Variants in PPM1A observed in about 807,000 individuals in gnomAD.
PPM1A encodes the protein protein phosphatase 1A.
A neutral mutation model predicts 35.0 loss-of-function variants in PPM1A; 7 were observed. That is an observed-to-expected ratio of 0.20 (90% CI 0.11 to 0.38). The LOEUF (loss-of-function observed/expected upper bound fraction) is 0.38. PPM1A is among the 10% of genes least tolerant of loss of function. PPM1A has a pLI of 1.00. For missense variants in PPM1A, 239 were observed against 467.8 expected (o/e 0.51, Z 4.51); for synonymous variants, 153 against 167.3 (o/e 0.91, Z 0.66).
chr14:60,263,629 G>A (rs1884031029), intron 1 of PPM1A, among the ~76,000 whole-genome samples: 1 of 152,104 alleles, frequency 6.6e-6, no homozygotes, highest in Non-Finnish European at 1.5e-5. Flanking sequence ...AATACTGAAG[G>A]TTGGACCCAA....
At chr14:60,274,822 T>G (rs1420710181) in intron 1 of PPM1A, among the ~76,000 whole-genome samples, 1 of 151,708 alleles carries the variant, frequency 6.6e-6, no homozygotes, top group East Asian at 1.9e-4. Context: ...GCAATTGTTT[T>G]ATTCATTCAA....
chr14:60,287,101 T>C lies in PPM1A; in HGVS notation c.952+1360T>C, dbSNP rs8011636. On this transcript the variant is annotated intron_variant, in intron 3 of 5. Coordinates refer to ENST00000395076, the MANE Select transcript of PPM1A (RefSeq NM_021003.5). ...TAACTTGGGCAGACATGTTTTCTTA[T>C]TGGTTTAAAGAAGTAATAAGTATTT... The C allele has an allele frequency of 5.3e-6, 5 of 949,068 alleles. No homozygotes were observed. In the African/African-American group the frequency reaches 7.1e-5, roughly 13 times the overall value. 58.8% of individuals were successfully genotyped at this position (949,068 alleles called of 1,614,324 possible).
intron 1 of PPM1A, among the ~76,000 whole-genome samples, chr14:60,265,585 A>C (rs777748831): frequency 7.2e-5 from 11 of 152,260 alleles, no homozygotes; most frequent in Non-Finnish European, 1.6e-4. Flanking sequence ...TGAATATACA[A>C]ATCCATTTGG....
At position 60,289,848 on chromosome 14, in the gene PPM1A, A is replaced by G. The variant is rs747334490; in HGVS notation, c.995A>G (p.His332Arg). The G allele has an allele frequency of 1.9e-6, 3 of 1,603,322 alleles. No individual in the cohort carries two copies. Among genetic ancestry groups the G allele is most frequent in the East Asian group, 2.3e-5 (1 of 44,420 alleles). Reference sequence around the variant, plus strand: ...GGGGAAGGCGTCCCCGACTTAGTCCATGTGATGCGCACATTAGCGAGTGAG... The same window carrying G: ...GGGGAAGGCGTCCCCGACTTAGTCCGTGTGATGCGCACATTAGCGAGTGAG... ...KQGEGVPDLV[H>R]VMRTLASENI... is the part of the protein sequence containing the mutation. Residue 332 changes from histidine (H) to arginine (R), a missense_variant, in exon 4 of 6, where the codon CAT becomes CGT. Around this residue, in one of 2 missense-constraint regions of PPM1A, gnomAD observed 64 missense variants for 78.6 expected, o/e 0.81. Coordinates refer to ENST00000395076, the MANE Select transcript of PPM1A (RefSeq NM_021003.5). This position sits in a 1 kb window ranked among gnomAD's most constrained non-coding sequence, Gnocchi z 4.1.
At chr14:60,268,936 ATT>A (rs1884735520) in intron 1 of PPM1A, among the ~76,000 whole-genome samples, 1 of 132,322 alleles carries the variant, frequency 7.6e-6, no homozygotes, top group African/African-American at 2.9e-5. Context: ...TCATTATTTC[ATT>A]TTCTTTTTTT....
At position 60,293,560 on chromosome 14, in the gene PPM1A, T is replaced by C. The variant is rs955548479; in HGVS notation, c.*1078T>C. 2.6e-5 allele frequency: 4 copies of C among 152,018 alleles called. No individual in the cohort carries two copies. Among genetic ancestry groups the C allele is most frequent in the Non-Finnish European group, 4.4e-5 (3 of 67,916 alleles). The allele number at this position is 152,018 out of a possible 1,614,324, so 9.4% of individuals were successfully genotyped here. On this transcript the variant is annotated 3_prime_UTR_variant, in exon 6 of 6. Transcript: ENST00000395076. The surrounding 1 kb of genome is among the most constrained non-coding windows in gnomAD (Gnocchi z 4.0). ...TACCTTAATCTATTTTTTAAATAGG[T>C]TTCTTTCAGGCTGCTTATTTTTCAT... is the stretch of plus-strand genomic sequence containing the variant.
intron 1 of PPM1A, among the ~76,000 whole-genome samples, chr14:60,259,133 C>T (rs1317583358): frequency 6.6e-6 from 1 of 152,044 alleles, no homozygotes; most frequent in Non-Finnish European, 1.5e-5. Flanking sequence ...TATCTCCCTA[C>T]ATACACAAAA....
At chr14:60,257,611 C>T (rs142438258) in intron 1 of PPM1A, among the ~76,000 whole-genome samples, 52 of 152,200 alleles carry the variant, frequency 3.4e-4, no homozygotes, top group African/African-American at 1.1e-3. Flanking sequence ...CAAGAATTGT[C>T]TATTGTACTG....
chr14:60,291,718 A>G lies in PPM1A; in HGVS notation c.1119+264A>G, dbSNP rs142229157. ...TAGATTTTTTAAGTCTTTACAAACAATCAACTTCAGAAGGTTTGCCTCCAC... is the reference window on the plus strand; with the variant it reads ...TAGATTTTTTAAGTCTTTACAAACAGTCAACTTCAGAAGGTTTGCCTCCAC... On this transcript the variant is annotated intron_variant, in intron 5 of 5. Transcript: ENST00000395076. Among the ~76,000 whole-genome samples, 713 of 149,852 alleles carry G rather than the reference A, an allele frequency of 4.8e-3. 11 individuals are homozygous for G. The highest frequency in any genetic ancestry group is 0.017 in the African/African-American group (676 of 40,854).
At chr14:60,276,818 G>C (rs1885815081) in intron 1 of PPM1A, among the ~76,000 whole-genome samples, 1 of 152,038 alleles carries the variant, frequency 6.6e-6, no homozygotes, top group Non-Finnish European at 1.5e-5. Flanking sequence ...AAATGACCGG[G>C]TTCAAGACTC....
chr14:60,276,241 T>C (rs1041877850), intron 1 of PPM1A, among the ~76,000 whole-genome samples: 1 of 152,178 alleles, frequency 6.6e-6, no homozygotes, highest in South Asian at 2.1e-4. Flanking sequence ...TGCAAGTAAT[T>C]TGAATATTGC....
upstream of PPM1A, chr14:60,246,074 C>A (rs1370055070): frequency 4.5e-6 from 7 of 1,538,986 alleles, no homozygotes; most frequent in African/African-American, 6.9e-5. Context: ...AATTGTTGAA[C>A]CTATGTTCTG....
At chr14:60,256,898 A>G (rs1883199196) in intron 1 of PPM1A, 1 of 152,204 alleles carries the variant, frequency 6.6e-6, no homozygotes, top group Non-Finnish European at 1.5e-5. Flanking sequence ...ATGGGTCAAA[A>G]TCTTTGTACA....
Position 60,292,202 on chromosome 14 carries a change from T to TCA in PPM1A, c.1120-251_1120-250insCA, listed in dbSNP as rs1887700181. 6.6e-6 allele frequency among the ~76,000 whole-genome samples: 1 copy of TCA among 152,154 alleles called. No individual in the cohort carries two copies. The highest frequency in any genetic ancestry group is 1.5e-5 in the Non-Finnish European group (1 of 68,010). On this transcript the variant is annotated intron_variant, in intron 5 of 5. Transcript: ENST00000395076. This position sits in a 1 kb window ranked among gnomAD's most constrained non-coding sequence, Gnocchi z 4.2. ...GTAGATTTATTGATTGAGTAATACA[T>TCA]TTGGACAGCCTCATCATAAAACCGC...
At chr14:60,278,851 T>G (rs916440943) in intron 1 of PPM1A, among the ~76,000 whole-genome samples, 1 of 152,230 alleles carries the variant, frequency 6.6e-6, no homozygotes, top group Admixed American at 6.5e-5. Context: ...TAAATTGTAT[T>G]CTGTTATTTA....
At chr14:60,291,349 A>G (rs761564897) in intron 4 of PPM1A, 48 bp from the exon 5 acceptor site, 5 of 1,336,564 alleles carry the variant, frequency 3.7e-6, no homozygotes, top group East Asian at 2.5e-5. Context: ...TTACTAAGCA[A>G]TGTTTTGCTT....
intron 1 of PPM1A, chr14:60,268,543 C>T (rs1353325110): frequency 1.7e-5 from 5 of 293,288 alleles, no homozygotes; most frequent in Non-Finnish European, 2.0e-5. Flanking sequence ...TATAATTTTA[C>T]GTAATATATT....
chr14:60,291,335 T>C, intron 4 of PPM1A, 62 bp from the exon 5 acceptor site: 1 of 1,164,680 alleles, frequency 8.6e-7, no homozygotes, highest in Non-Finnish European at 1.2e-6. Flanking sequence ...CACCTGGCTA[T>C]GAGTTACTAA....
At chr14:60,250,133 C>T (rs1208511874) in intron 1 of PPM1A, among the ~76,000 whole-genome samples, 1 of 152,084 alleles carries the variant, frequency 6.6e-6, no homozygotes, top group East Asian at 1.9e-4. Flanking sequence ...GGGAGACTTC[C>T]TTTGAACCGG....
Sources: gnomAD v4.1 joint callset for allele counts (sites outside exome capture counted in the v4.1 genomes callset) on GRCh38, gnomAD v4.1.1 for gene constraint, gnomAD v4.1.1 regional missense constraint, Gnocchi (gnomAD v3.1) non-coding constraint, MANE v1.5 for transcripts, NCBI Gene and HGNC (gene_info 2026-07-23, HGNC 2026-07-21) for gene names.